RANBP2: variants seen among roughly 807,000 people sequenced by gnomAD.
RANBP2 encodes E3 SUMO-protein ligase RanBP2.
A neutral mutation model predicts 303.6 loss-of-function variants in RANBP2; 57 were observed. That is an observed-to-expected ratio of 0.19 (90% CI 0.15 to 0.23). The LOEUF (loss-of-function observed/expected upper bound fraction) is 0.23, where lower values mean the gene tolerates loss of function less well. Among genes scored for constraint, RANBP2 ranks in the 10% least tolerant of loss-of-function variants. The pLI, the probability that RANBP2 is intolerant of heterozygous loss-of-function variation, is 1.00. For synonymous variants in RANBP2, 1,167 were observed against 1,301.5 expected, an observed-to-expected ratio of 0.90 and a Z score of 2.23; for missense variants, 3,138 against 3,780.8, an observed-to-expected ratio of 0.83 and a Z score of 4.46.
At chr2:109,543,448 TTAAA>T in the RANBP2 span, 2 of 152,208 alleles carry the variant, frequency 1.3e-5, no homozygotes, top group Non-Finnish European at 2.9e-5. Flanking sequence ...AGTCATCATA[TTAAA>T]TAATCTGACA....
chr2:109,245,898 G>A, the RANBP2 span, among the ~76,000 whole-genome samples: 1,116 of 152,128 alleles, frequency 7.3e-3, 8 homozygotes, highest in South Asian at 0.023. Context: ...ACACAATCCC[G>A]GGCATCATTT....
chr2:109,254,443 T>C, the RANBP2 span, among the ~76,000 whole-genome samples: 1 of 152,146 alleles, frequency 6.6e-6, no homozygotes, highest in African/African-American at 2.4e-5. Flanking sequence ...ATTAATGCTG[T>C]AAAGTACTTA....
intron 4 of RANBP2, among the ~76,000 whole-genome samples, chr2:108,733,006 T>C (rs929474880): frequency 2.6e-5 from 4 of 152,114 alleles, no homozygotes; most frequent in African/African-American, 7.2e-5. Context: ...GTATTTTTAG[T>C]AGAAACGGGG....
intron 4 of RANBP2, among the ~76,000 whole-genome samples, chr2:108,732,091 AT>A (rs1695208964): frequency 6.6e-6 from 1 of 152,204 alleles, no homozygotes; most frequent in African/African-American, 2.4e-5. Flanking sequence ...GTAATGTTTT[AT>A]ATATTAATGT....
the RANBP2 span, among the ~76,000 whole-genome samples, chr2:109,668,421 G>C: frequency 1.3e-5 from 2 of 152,108 alleles, no homozygotes; most frequent in South Asian, 4.1e-4. Context: ...ATATATACTT[G>C]GGAAGCTGAA....
chr2:109,510,520 C>G, the RANBP2 span, among the ~76,000 whole-genome samples: 1 of 152,246 alleles, frequency 6.6e-6, no homozygotes, highest in Non-Finnish European at 1.5e-5. Flanking sequence ...TAGCTCTTCT[C>G]ACATTTGTGC....
the RANBP2 span, among the ~76,000 whole-genome samples, chr2:108,889,058 G>T: frequency 2.7e-4 from 41 of 151,620 alleles, no homozygotes; most frequent in African/African-American, 8.9e-4. Context: ...TTTTTATCCA[G>T]TGGTTATTCA....
At position 108,763,885 on chromosome 2, in the gene RANBP2, G is replaced by A. The variant is rs758136000; in HGVS notation, c.3346G>A (p.Gly1116Arg). 6.2e-7 allele frequency: 1 copy of A among 1,613,898 alleles called. No individual in the cohort carries two copies. The highest frequency in any genetic ancestry group is 1.7e-5 in the Admixed American group (1 of 60,008). The change falls in exon 20 of 29, where the codon GGG (glycine) becomes AGG (arginine). Residue 1116 changes from glycine to arginine, a missense_variant. Transcript: ENST00000283195. ...TGGAATTTCATTTACAGAAAACATG[G>A]GGTCGAGTCAGCAAAAGAATTCTGG... ...VSGISFTENM[G>R]SSQQKNSGFR...
the RANBP2 span, among the ~76,000 whole-genome samples, chr2:109,020,784 A>C: frequency 1.3e-5 from 2 of 152,236 alleles, no homozygotes; most frequent in African/African-American, 4.8e-5. Context: ...GTATTAGTCC[A>C]AAAGCCATAG....
intron 4 of RANBP2, among the ~76,000 whole-genome samples, chr2:108,733,252 A>G (rs1442892475): frequency 1.6e-5 from 2 of 121,876 alleles, no homozygotes; most frequent in East Asian, 4.6e-4. Flanking sequence ...CAATTTAACC[A>G]TTCCCTTTTT....
At chr2:108,910,527 C>G in the RANBP2 span, 93 of 1,612,608 alleles carry the variant, frequency 5.8e-5, 1 homozygote, top group South Asian at 1.0e-3. Flanking sequence ...AACATCACCA[C>G]GTTGTCTGCA....
chr2:109,091,058 C>G, the RANBP2 span, among the ~76,000 whole-genome samples: 2 of 152,162 alleles, frequency 1.3e-5, no homozygotes, highest in Non-Finnish European at 2.9e-5. Flanking sequence ...AGACCCTGAT[C>G]TCTACAAAAA....
intron 1 of RANBP2, among the ~76,000 whole-genome samples, chr2:108,722,104 G>T (rs1366607413): frequency 6.7e-6 from 1 of 150,100 alleles, no homozygotes; most frequent in African/African-American, 2.5e-5. Context: ...GAGATTCTTA[G>T]TGGGGACCTT....
chr2:109,202,675 G>A, the RANBP2 span, among the ~76,000 whole-genome samples: 1 of 152,130 alleles, frequency 6.6e-6, no homozygotes, highest in African/African-American at 2.4e-5. Flanking sequence ...ACACAGCCTT[G>A]GGTGAGCACC....
the RANBP2 span, among the ~76,000 whole-genome samples, chr2:109,230,823 A>G: frequency 5.9e-5 from 9 of 152,228 alleles, no homozygotes; most frequent in Non-Finnish European, 1.3e-4. Context: ...AGAGAAGATA[A>G]AAAATTCCAC....
At chr2:108,746,868 A>C (rs1158414186) in intron 8 of RANBP2, 70 bp downstream of exon 8, 10 of 611,870 alleles carry the variant, frequency 1.6e-5, no homozygotes, top group Non-Finnish European at 3.0e-5. Flanking sequence ...ATCTTATGAT[A>C]AAATCTTCAT....
chr2:109,413,757 C>T, the RANBP2 span, among the ~76,000 whole-genome samples: 1 of 152,242 alleles, frequency 6.6e-6, no homozygotes, highest in Admixed American at 6.5e-5. Context: ...AGTTTGCAGA[C>T]TTCTCTGTTA....
chr2:108,839,992 G>A, the RANBP2 span, among the ~76,000 whole-genome samples: 1 of 151,846 alleles, frequency 6.6e-6, no homozygotes, highest in Non-Finnish European at 1.5e-5. Context: ...TATAATATTA[G>A]CTGTAGTATT....
chr2:109,654,112 C>T, the RANBP2 span, among the ~76,000 whole-genome samples: 3 of 152,072 alleles, frequency 2.0e-5, no homozygotes, highest in African/African-American at 4.8e-5. Context: ...GGGTTATTTC[C>T]GCTGGTTAGG....
Sources: allele counts gnomAD v4.1 joint callset (sites outside exome capture counted in the v4.1 genomes callset), GRCh38; gene constraint gnomAD v4.1.1; transcripts MANE v1.5; gene names NCBI Gene and HGNC (gene_info 2026-07-23, HGNC 2026-07-21).